Variants in PWWP3A observed in about 807,000 individuals in gnomAD.
The protein encoded by PWWP3A is PWWP domain containing 3A, DNA repair factor, also known as PWWP domain-containing DNA repair factor 3A.
PWWP3A carries 53 observed loss-of-function variants against 79.0 expected under a neutral mutation model. The ratio of observed to expected loss-of-function variants is 0.67; its 90% CI spans 0.54 to 0.84. The LOEUF is 0.84. Among genes scored for constraint, PWWP3A ranks in the 40% least tolerant of loss-of-function variants. The probability of loss-of-function intolerance (pLI) is 0.00; values close to 1 mark genes in which losing one functional copy is unlikely to be tolerated. For synonymous variants in PWWP3A, 443 were observed against 394.4 expected (o/e 1.12, Z -1.46); for missense variants, 973 against 948.0 (o/e 1.03, Z -0.35).
chr19:1,366,326 G>T lies in PWWP3A; in HGVS notation c.1306G>T (p.Asp436Tyr). Residue 436 changes from aspartate to tyrosine, a missense_variant, in exon 8 of 14, where the codon GAT becomes TAT. Coordinates refer to ENST00000591337, the MANE Select transcript of PWWP3A (RefSeq NM_001369789.1). ...PAVVKSVRQR[D>Y]KKASVLYIEG... ...ACAGGTCAAAAGCGTCAGGCAGAGA[G>T]ATAAGAAAGCAAGTGTGCTATACAT... The T allele has an allele frequency of 6.2e-7, 1 of 1,614,250 alleles. No homozygotes were observed. The highest frequency in any genetic ancestry group is 8.5e-7 in the Non-Finnish European group (1 of 1,180,026).
Position 1,375,491 on chromosome 19 carries a change from T to TC in PWWP3A, c.2076-1028_2076-1027insC, listed in dbSNP as rs1405213250. Among the ~76,000 whole-genome samples, 3 of 66,704 alleles carry TC rather than the reference T, an allele frequency of 4.5e-5. No homozygotes were observed. The Admixed American group carries it at 5.8e-4, about 13-fold the overall frequency. 43.8% of individuals were successfully genotyped at this position (66,704 alleles called of 152,430 possible). Reference sequence around the variant, plus strand: ...TATAAAATTTATATATTATATAAAATATATAAATTTTATATATAATATATA... The same window carrying TC: ...TATAAAATTTATATATTATATAAAATCATATAAATTTTATATATAATATATA... On this transcript the variant is annotated intron_variant, in intron 13 of 13. Transcript: ENST00000591337.
rs553054284 is a variant in PWWP3A, at chr19:1,373,185, C to T, written c.2075+25C>T. The T allele has an allele frequency of 1.1e-5, 17 of 1,600,726 alleles. No homozygotes were observed. The East Asian group carries it at 3.1e-4, about 29-fold the overall frequency. The stretch of plus-strand genomic sequence containing the variant: ...GGTAGGCCGCTCCCGGCGCTATCTC[C>T]AGCCACTTGCGTCTCTGCCTTGCAG... On this transcript the variant is annotated intron_variant, in intron 13 of 13. Transcript: ENST00000591337.
rs888124580 is a variant in PWWP3A, at chr19:1,373,149, G to A, written c.2064G>A (p.Ser688=). ...TAEEKYIKGP[S]LSYREKEIFD... is the part of the protein sequence containing the mutation. The stretch of plus-strand genomic sequence containing the variant: ...AGGAGAAGTACATCAAGGGGCCTTC[G>A]CTGAGCTACCGGTAGGCCGCTCCCG... Residue 688 remains serine, a synonymous_variant, in exon 13 of 14, where the codon TCG becomes TCA. Coordinates refer to ENST00000591337, the MANE Select transcript of PWWP3A (RefSeq NM_001369789.1). 1.9e-6 allele frequency: 3 copies of A among 1,614,004 alleles called. No homozygotes were observed. Among genetic ancestry groups the A allele is most frequent in the African/African-American group, 1.3e-5 (1 of 74,948 alleles).
rs1018857821 is a variant in PWWP3A at position 1,356,142 on chromosome 19, A to G, written c.-69-182A>G. 1.2e-4 allele frequency: 67 copies of G among 551,132 alleles called. No individual in the cohort carries two copies. The Admixed American group carries it at 1.5e-3, about 12-fold the overall frequency. 34.1% of individuals were successfully genotyped at this position (551,132 alleles called of 1,614,324 possible). On this transcript the variant is annotated intron_variant, in intron 1 of 13. Transcript: ENST00000591337. ...AAAAAATGCAGGCGCCTCCCTGGATACCGAGCCCCGTCGTTTCTGTTTGTC... is the reference window on the plus strand; with the variant it reads ...AAAAAATGCAGGCGCCTCCCTGGATGCCGAGCCCCGTCGTTTCTGTTTGTC...
intron 6 of PWWP3A, 26 bp downstream of exon 6, chr19:1,362,377 C>A: frequency 1.3e-6 from 2 of 1,592,232 alleles, no homozygotes; most frequent in Non-Finnish European, 1.7e-6. Flanking sequence ...GGGGCGCCGG[C>A]AGTCCTAACG....
chr19:1,375,832 GTC>G (rs1259647598), intron 13 of PWWP3A, among the ~76,000 whole-genome samples: 1 of 135,584 alleles, frequency 7.4e-6, no homozygotes, highest in Non-Finnish European at 1.5e-5. Context: ...TTGAGACAGA[GTC>G]TTGCTCTGTC....
intron 7 of PWWP3A, 91 bp downstream of exon 7, chr19:1,364,670 C>A (rs1249530218): frequency 1.8e-6 from 2 of 1,090,188 alleles, no homozygotes; most frequent in East Asian, 2.4e-5. Context: ...ATAATTTGAT[C>A]AGGATAAATG....
At position 1,360,225 on chromosome 19, in the gene PWWP3A, T is replaced by C; in HGVS notation, c.304T>C (p.Ser102Pro). Residue 102 changes from serine to proline, a missense_variant, in exon 5 of 14, where the codon TCG becomes CCG. Ser to Pro is a moderately conservative substitution (Grantham distance 74, BLOSUM62 -1). Transcript: ENST00000591337. This position sits in a 1 kb window ranked among gnomAD's most constrained non-coding sequence, Gnocchi z 4.4. ...RVALDVLSEGSIWSQESSAGT... is the reference protein window; with the variant it reads ...RVALDVLSEGPIWSQESSAGT... ...GGCTCTGGACGTTCTGAGCGAGGGC[T>C]CGATTTGGAGTCAAGAAAGCTCTGC... is the stretch of plus-strand genomic sequence containing the variant. The C allele has an allele frequency of 6.2e-7, 1 of 1,613,830 alleles. No individual in the cohort carries two copies. The highest frequency in any genetic ancestry group is 8.5e-7 in the Non-Finnish European group (1 of 1,179,880).
At chr19:1,361,159 A>G (rs1390442673) in intron 5 of PWWP3A, 127 bp downstream of exon 5, 1 of 907,938 alleles carries the variant, frequency 1.1e-6, no homozygotes, top group Non-Finnish European at 1.5e-6. Flanking sequence ...AAATAGACTT[A>G]GAGCAGAGAC....
At chr19:1,373,398 G>A (rs1251245440) in intron 13 of PWWP3A, 2 of 566,928 alleles carry the variant, frequency 3.5e-6, no homozygotes, top group South Asian at 2.1e-5. Context: ...ACGGGGCCAC[G>A]GGCACGTGCC....
chr19:1,355,329 C>G (rs1264925825), intron 1 of PWWP3A, among the ~76,000 whole-genome samples, 194 bp downstream of exon 1: 1 of 152,000 alleles, frequency 6.6e-6, no homozygotes, highest in African/African-American at 2.4e-5. Context: ...TGCCTGGACT[C>G]CTTTTCCCGT....
At chr19:1,362,945 C>T (rs974641235) in intron 6 of PWWP3A, among the ~76,000 whole-genome samples, 4 of 152,268 alleles carry the variant, frequency 2.6e-5, no homozygotes, top group Admixed American at 2.6e-4. Context: ...GTCACAAGAA[C>T]CAGCCCCACT....
At position 1,359,887 on chromosome 19, in the gene PWWP3A, A is replaced by G. The variant is rs72981692; in HGVS notation, c.215-249A>G. ...TTGGAGGAATTTATCTTTTTAGCCA[A>G]TCAGGTTAAGGTCAATAAATTTGGT... On this transcript the variant is annotated intron_variant, in intron 4 of 13. Transcript: ENST00000591337. 0.013 allele frequency: 4,644 copies of G among 354,358 alleles called. 73 individuals carry two copies. Among genetic ancestry groups the G allele is most frequent in the Non-Finnish European group, 0.013 (2,670 of 198,984 alleles). The allele number at this position is 354,358 out of a possible 1,614,324, so 22.0% of individuals were successfully genotyped here. A position where few individuals can be genotyped will look rare whatever the true frequency, so the allele number is the denominator to read the frequency against.
rs1342510334 is a variant in PWWP3A at position 1,376,931 on chromosome 19, A to T, written c.*355A>T. 1.1e-5 allele frequency: 2 copies of T among 185,182 alleles called. No individual in the cohort carries two copies. The highest frequency in any genetic ancestry group is 2.2e-5 in the Non-Finnish European group (2 of 90,772). 11.5% of individuals were successfully genotyped at this position (185,182 alleles called of 1,614,324 possible). A position where few individuals can be genotyped will look rare whatever the true frequency, so the allele number is the denominator to read the frequency against. On this transcript the variant is annotated 3_prime_UTR_variant, in exon 14 of 14. Transcript: ENST00000591337. The stretch of plus-strand genomic sequence containing the variant: ...CGATCTCGTATGTGTGGCATCTGAT[A>T]TTAAACGGGAGGTTTTAAGAAGCGT...
intron 6 of PWWP3A, among the ~76,000 whole-genome samples, chr19:1,362,638 C>T (rs1421261059): frequency 2.0e-5 from 3 of 152,258 alleles, no homozygotes; most frequent in Non-Finnish European, 2.9e-5. Context: ...GTCCTCCTGT[C>T]CCCTCGCGGG....
rs1191212602 is a variant in PWWP3A at position 1,358,270 on chromosome 19, T to C, written c.144-124T>C. On this transcript the variant is annotated intron_variant, in intron 3 of 13. Transcript: ENST00000591337. ...TGAATTCCTAGTTGGCTGTGACTTT[T>C]GGTTTAAGTGGAAGGTTGAGGAGGA... 6 of 865,086 alleles carry C rather than the reference T, an allele frequency of 6.9e-6. No individual in the cohort carries two copies. The East Asian group carries it at 1.5e-4, about 22-fold the overall frequency. 53.6% of individuals were successfully genotyped at this position (865,086 alleles called of 1,614,324 possible).
intron 4 of PWWP3A, chr19:1,358,955 T>G (rs2081948625): frequency 2.9e-6 from 1 of 343,310 alleles, no homozygotes; most frequent in East Asian, 7.4e-5. Flanking sequence ...TGGCACCCAT[T>G]GTTTGAGGCA....
rs1375148481 is a variant in PWWP3A, at chr19:1,366,234, G to T, written c.1285-71G>T. The T allele has an allele frequency of 7.2e-6, 11 of 1,523,122 alleles. No homozygotes were observed. The Admixed American group carries it at 1.9e-4, about 26-fold the overall frequency. 94.4% of individuals were successfully genotyped at this position (1,523,122 alleles called of 1,614,324 possible). ...GCGCCTGTTAGATGTATCATGTGAT[G>T]TCACAAAAAAATATTTAAAATCCAC... On this transcript the variant is annotated intron_variant, in intron 7 of 13. Transcript: ENST00000591337.
At chr19:1,355,970 G>A (rs1340308348) in intron 1 of PWWP3A, among the ~76,000 whole-genome samples, 1 of 152,138 alleles carries the variant, frequency 6.6e-6, no homozygotes, top group African/African-American at 2.4e-5. Flanking sequence ...CCCCAAATTG[G>A]GGAGGGTTGT....
Sources: gnomAD v4.1 joint callset for allele counts (sites outside exome capture counted in the v4.1 genomes callset) on GRCh38, gnomAD v4.1.1 for gene constraint, Gnocchi (gnomAD v3.1) non-coding constraint, MANE v1.5 for transcripts, NCBI Gene and HGNC (gene_info 2026-07-23, HGNC 2026-07-21) for gene names.